The following SESTD1 variants were observed in gnomAD, a reference collection of about 807,000 sequenced individuals.
SESTD1 encodes SEC14 domain and spectrin repeat-containing protein 1.
In SESTD1, 43 loss-of-function variants were observed where a neutral mutation model predicts 101.7. The ratio of observed to expected loss-of-function variants is 0.42; its 90% CI spans 0.33 to 0.55. SESTD1 has a LOEUF of 0.55. SESTD1 is among the 20% of genes least tolerant of loss of function. SESTD1 has a pLI of 0.07. For synonymous variants in SESTD1, 283 were observed against 286.8 expected (o/e 0.99, Z 0.13); for missense variants, 647 against 815.1 (o/e 0.79, Z 2.51).
chr2:179,186,867 G>T (rs550716449), intron 2 of SESTD1, among the ~76,000 whole-genome samples: 4 of 151,762 alleles, frequency 2.6e-5, no homozygotes, highest in African/African-American at 9.7e-5. Flanking sequence ...TCTTAAAGGA[G>T]GCTAGAGAAG....
At chr2:179,182,459 A>G (rs1302095878) in intron 3 of SESTD1, among the ~76,000 whole-genome samples, 2 of 152,196 alleles carry the variant, frequency 1.3e-5, no homozygotes, top group African/African-American at 4.8e-5. Context: ...AAAAATCTCC[A>G]GATGACTAAT....
intron 1 of SESTD1, among the ~76,000 whole-genome samples, chr2:179,204,615 C>CA (rs1238569974): frequency 7.5e-6 from 1 of 134,046 alleles, no homozygotes; most frequent in Non-Finnish European, 1.6e-5. Context: ...TGAGCTTAGC[C>CA]AAAAAAACCT....
At chr2:179,152,372 G>C (rs1013321784) in intron 5 of SESTD1, among the ~76,000 whole-genome samples, 9 of 152,136 alleles carry the variant, frequency 5.9e-5, no homozygotes, top group African/African-American at 2.2e-4. Flanking sequence ...GAAATTTTTG[G>C]AACTCTTCTG....
intron 4 of SESTD1, among the ~76,000 whole-genome samples, chr2:179,173,058 C>G (rs956659869): frequency 1.1e-4 from 16 of 152,196 alleles, no homozygotes; most frequent in African/African-American, 3.1e-4. Context: ...CATCTTACAC[C>G]TTCCCCTGCT....
At chr2:179,229,629 G>A (rs577973769) in intron 1 of SESTD1, among the ~76,000 whole-genome samples, 2 of 151,026 alleles carry the variant, frequency 1.3e-5, no homozygotes, top group East Asian at 3.9e-4. Context: ...CAAGGACGGC[G>A]GTAAAAAGAA....
intron 8 of SESTD1, among the ~76,000 whole-genome samples, chr2:179,145,864 G>T (rs540465827): frequency 6.6e-6 from 1 of 152,076 alleles, no homozygotes; most frequent in Admixed American, 6.5e-5. Context: ...CACAATGTCT[G>T]GCACATAAGG....
At chr2:179,227,448 C>G (rs1158373706) in intron 1 of SESTD1, among the ~76,000 whole-genome samples, 1 of 152,128 alleles carries the variant, frequency 6.6e-6, no homozygotes, top group Non-Finnish European at 1.5e-5. Flanking sequence ...TTCCTCTGGA[C>G]AGTCAAAAAT....
chr2:179,140,010 G>A (rs962520636), intron 9 of SESTD1, among the ~76,000 whole-genome samples: 10 of 152,162 alleles, frequency 6.6e-5, no homozygotes, highest in Non-Finnish European at 1.2e-4. Flanking sequence ...CACAGAAGGA[G>A]CTCTCGCTCT....
intron 5 of SESTD1, among the ~76,000 whole-genome samples, chr2:179,159,122 T>C (rs967999260): frequency 7.9e-5 from 12 of 152,184 alleles, no homozygotes; most frequent in Non-Finnish European, 1.3e-4. Context: ...GTAGGAAACA[T>C]CTTATTCTAT....
At position 179,132,272 on chromosome 2, in the gene SESTD1, C is replaced by A. The variant is rs374445725; in HGVS notation, c.972+32G>T. 2.1e-4 allele frequency: 323 copies of A among 1,521,322 alleles called. 1 individual carries two copies. In the African/African-American group the frequency reaches 3.6e-3, roughly 17 times the overall value. 94.2% of individuals were successfully genotyped at this position (1,521,322 alleles called of 1,614,324 possible). A position where few individuals can be genotyped will look rare whatever the true frequency, so the allele number is the denominator to read the frequency against. ...TACTAATTACCCACGTTCATAATAT[C>A]ATTGTAACTTGCAGAGGAAAAAGCC... On this transcript the variant is annotated intron_variant, in intron 10 of 17. Coordinates refer to ENST00000428443, the MANE Select transcript of SESTD1 (RefSeq NM_178123.5).
At chr2:179,195,786 G>A (rs1052463255) in intron 1 of SESTD1, among the ~76,000 whole-genome samples, 3 of 150,746 alleles carry the variant, frequency 2.0e-5, no homozygotes, top group Admixed American at 1.3e-4. Flanking sequence ...AGGAACCAGG[G>A]AATAAGAGAG....
Position 179,117,593 on chromosome 2 carries a change from A to G in SESTD1, c.1463T>C (p.Val488Ala), listed in dbSNP as rs756025916. ...CATCTGAAGCATCTTTAACCTTCGCACATCTACCATGTCTTCACATCTAAT... is the reference window on the plus strand; with the variant it reads ...CATCTGAAGCATCTTTAACCTTCGCGCATCTACCATGTCTTCACATCTAAT... ...RKQRCEDMVD[V>A]RRLKMLQMVQ... The change falls in exon 14 of 18, where the codon GTG (valine) becomes GCG (alanine). Residue 488 changes from valine (V) to alanine (A), a missense_variant. By Grantham distance (64) the Val-to-Ala change is moderately conservative. Transcript: ENST00000428443. 5 of 1,581,688 alleles carry G rather than the reference A, an allele frequency of 3.2e-6. No individual in the cohort carries two copies. In the South Asian group the frequency reaches 5.9e-5, roughly 19 times the overall value.
At chr2:179,139,225 T>G (rs1398889450) in intron 9 of SESTD1, among the ~76,000 whole-genome samples, 1 of 152,162 alleles carries the variant, frequency 6.6e-6, no homozygotes, top group Non-Finnish European at 1.5e-5. Context: ...CTCCACTCTA[T>G]TCAAACCACT....
chr2:179,234,945 T>TA (rs35629599), intron 1 of SESTD1, among the ~76,000 whole-genome samples: 1,370 of 130,404 alleles, frequency 0.011, 11 homozygotes, highest in South Asian at 0.034. Flanking sequence ...CTCATCTCTT[T>TA]AAAAAAAAAA....
chr2:179,228,561 T>C (rs758755992), intron 1 of SESTD1, among the ~76,000 whole-genome samples: 2 of 152,186 alleles, frequency 1.3e-5, no homozygotes, highest in Non-Finnish European at 1.5e-5. Context: ...GGCTTCATCT[T>C]GAATGCTAAC....
intron 1 of SESTD1, among the ~76,000 whole-genome samples, chr2:179,235,828 T>G (rs1227140155): frequency 6.6e-6 from 1 of 152,224 alleles, no homozygotes; most frequent in Admixed American, 6.6e-5. Context: ...TTTTTCTCAT[T>G]AGCAAGAAAC....
At chr2:179,138,080 TCAAA>T (rs896874948) in intron 9 of SESTD1, among the ~76,000 whole-genome samples, 1 of 152,174 alleles carries the variant, frequency 6.6e-6, no homozygotes, top group African/African-American at 2.4e-5. Flanking sequence ...ATATTATTGT[TCAAA>T]CAAATTCACT....
chr2:179,124,744 T>C (rs185311105), intron 10 of SESTD1, among the ~76,000 whole-genome samples, 186 bp from the exon 11 acceptor site: 9 of 152,250 alleles, frequency 5.9e-5, no homozygotes, highest in South Asian at 2.1e-4. Flanking sequence ...GACCTCTAAA[T>C]GTTCTCTTCT....
Position 179,221,314 on chromosome 2 carries a change from TA to T in SESTD1, c.-25-29449del, listed in dbSNP as rs11443133. Reference sequence around the variant, plus strand: ...GCTTTCATCAGAGTGAAAGTCCCATTAAAAAAAAAAAAATGGGGCTGGGTGC... The same window carrying T: ...GCTTTCATCAGAGTGAAAGTCCCATTAAAAAAAAAAAATGGGGCTGGGTGC... On this transcript the variant is annotated intron_variant, in intron 1 of 17. Coordinates refer to ENST00000428443, the MANE Select transcript of SESTD1 (RefSeq NM_178123.5). Among the ~76,000 whole-genome samples the T allele has an allele frequency of 3.2e-3, 463 of 145,402 alleles. 1 individual carries two copies. The highest frequency in any genetic ancestry group is 7.2e-3 in the African/African-American group (288 of 39,790).
Sources: gnomAD v4.1 joint callset for allele counts (sites outside exome capture counted in the v4.1 genomes callset) on GRCh38, gnomAD v4.1.1 for gene constraint, MANE v1.5 for transcripts, NCBI Gene and HGNC (gene_info 2026-07-23, HGNC 2026-07-21) for gene names.